PARD3: variants seen among roughly 807,000 people sequenced by gnomAD.
The protein encoded by PARD3 is par-3 family cell polarity regulator.
PARD3 carries 75 observed loss-of-function variants against 155.4 expected under a neutral mutation model. The observed-to-expected ratio is 0.48, with a 90% confidence interval of 0.40 to 0.58. PARD3 has a LOEUF of 0.58. Ranked by LOEUF, PARD3 falls within the 20% of genes least tolerant of loss-of-function variation. The pLI, the probability that PARD3 is intolerant of heterozygous loss-of-function variation, is 0.00. For synonymous variants in PARD3, 576 were observed against 610.5 expected, an observed-to-expected ratio of 0.94 and a Z score of 0.83; for missense variants, 1,642 against 1,721.7, an observed-to-expected ratio of 0.95 and a Z score of 0.82.
chr10:34,701,752 C>T (rs2094283601), intron 1 of PARD3, among the ~76,000 whole-genome samples: 1 of 152,136 alleles, frequency 6.6e-6, no homozygotes. Flanking sequence ...GAAAAATCAC[C>T]AACGTGTGGT....
intron 22 of PARD3, among the ~76,000 whole-genome samples, chr10:34,144,235 A>AC (rs1564428731): frequency 6.6e-6 from 1 of 152,190 alleles, no homozygotes; most frequent in Non-Finnish European, 1.5e-5. Context: ...TGCATAGTTT[A>AC]TATTTTAAAA....
chr10:34,254,284 C>A (rs1293928085), intron 22 of PARD3, among the ~76,000 whole-genome samples: 1 of 152,026 alleles, frequency 6.6e-6, no homozygotes, highest in East Asian at 1.9e-4. Context: ...GAGGCTGAGG[C>A]AGAAGAATGG....
chr10:34,690,678 G>A (rs1260588373), intron 2 of PARD3, among the ~76,000 whole-genome samples: 1 of 152,130 alleles, frequency 6.6e-6, no homozygotes, highest in Non-Finnish European at 1.5e-5. Context: ...TATAAGCCAC[G>A]CCTCGCTAGC....
intron 2 of PARD3, among the ~76,000 whole-genome samples, chr10:34,691,460 A>G (rs1564513628): frequency 6.6e-6 from 1 of 152,250 alleles, no homozygotes; most frequent in Non-Finnish European, 1.5e-5. Flanking sequence ...AAACAAATGG[A>G]AAAATGTTCC....
chr10:34,748,330 T>C (rs1403142054), intron 1 of PARD3, among the ~76,000 whole-genome samples: 1 of 151,834 alleles, frequency 6.6e-6, no homozygotes, highest in East Asian at 1.9e-4. Context: ...ATTAGCTGGG[T>C]GTGGTGGCGT....
At chr10:34,182,295 G>A (rs1245778993) in intron 22 of PARD3, among the ~76,000 whole-genome samples, 1 of 152,154 alleles carries the variant, frequency 6.6e-6, no homozygotes, top group Non-Finnish European at 1.5e-5. Flanking sequence ...TACTTGAAGA[G>A]AAATATTGAT....
chr10:34,736,544 T>G (rs1195343890), intron 1 of PARD3, among the ~76,000 whole-genome samples: 1 of 151,942 alleles, frequency 6.6e-6, no homozygotes, highest in East Asian at 1.9e-4. Flanking sequence ...GAAACAAAAA[T>G]AGATCACTTG....
intron 2 of PARD3, among the ~76,000 whole-genome samples, chr10:34,605,856 CTA>C (rs1380870700): frequency 1.5e-5 from 1 of 66,884 alleles, no homozygotes; most frequent in Non-Finnish European, 2.7e-5. Flanking sequence ...TATATATCTC[CTA>C]TATATATATC....
intron 3 of PARD3, among the ~76,000 whole-genome samples, chr10:34,496,656 GC>G (rs1198339761): frequency 1.3e-5 from 2 of 152,196 alleles, no homozygotes; most frequent in Admixed American, 6.5e-5. Context: ...GAGAAAGCAA[GC>G]CCAATTTCAA....
chr10:34,130,403 T>G (rs1302346686), intron 23 of PARD3, among the ~76,000 whole-genome samples: 3 of 152,102 alleles, frequency 2.0e-5, no homozygotes, highest in East Asian at 1.9e-4. Flanking sequence ...ATCCACAAAT[T>G]TATTCCTTCT....
intron 2 of PARD3, among the ~76,000 whole-genome samples, chr10:34,616,637 A>G (rs547291171): frequency 1.8e-4 from 28 of 152,280 alleles, no homozygotes; most frequent in Middle Eastern, 3.4e-3. Context: ...TTGTACATGG[A>G]AGCTAAAAAA....
intron 20 of PARD3, among the ~76,000 whole-genome samples, chr10:34,311,073 A>G (rs1255363274): frequency 6.6e-6 from 1 of 152,168 alleles, no homozygotes; most frequent in Non-Finnish European, 1.5e-5. Context: ...GTCATAAAAA[A>G]CTAGCATGAC....
chr10:34,119,684 C>T lies in PARD3; in HGVS notation c.3597G>A (p.Gln1199=), dbSNP rs12359558. The stretch of plus-strand genomic sequence containing the variant: ...GCTCCTCCTGCCGCTGCCGCTGCAT[C>T]TGCACCTCCACGGACACCGAGTGTC... The part of the protein sequence containing the change: ...SGRHSVSVEV[Q]MQRQRQEERE... Residue 1199 remains glutamine, a synonymous_variant, in exon 24 of 25, where the codon CAG becomes CAA. Coordinates refer to ENST00000374788, the MANE Select transcript of PARD3 (RefSeq NM_001184785.2). 3.7e-6 allele frequency: 6 copies of T among 1,612,826 alleles called. No homozygotes were observed. In the South Asian group the frequency reaches 6.6e-5, roughly 18 times the overall value.
intron 1 of PARD3, among the ~76,000 whole-genome samples, chr10:34,791,309 C>A (rs547019676): frequency 6.6e-6 from 1 of 152,144 alleles, no homozygotes; most frequent in African/African-American, 2.4e-5. Context: ...TCATCACCTG[C>A]GTCCCTCTCG....
chr10:34,229,661 C>CGT (rs57319517), intron 22 of PARD3, among the ~76,000 whole-genome samples: 45,473 of 145,570 alleles, frequency 0.31, 7,271 homozygotes, highest in Non-Finnish European at 0.37. Context: ...GTTGAGGGTG[C>CGT]GTGTGTGTGT....
At chr10:34,485,722 G>C (rs1280018401) in intron 3 of PARD3, among the ~76,000 whole-genome samples, 1 of 152,090 alleles carries the variant, frequency 6.6e-6, no homozygotes, top group Non-Finnish European at 1.5e-5. Flanking sequence ...AGAATAGATG[G>C]TAAATGATTT....
At chr10:34,184,698 G>T (rs1424662864) in intron 22 of PARD3, among the ~76,000 whole-genome samples, 20 of 135,024 alleles carry the variant, frequency 1.5e-4, no homozygotes, top group Admixed American at 3.8e-4. Flanking sequence ...AGGCCTTTCG[G>T]TTTTTTTTTT....
chr10:34,358,059 AG>A (rs1839075196), intron 14 of PARD3, among the ~76,000 whole-genome samples: 5 of 152,200 alleles, frequency 3.3e-5, no homozygotes, highest in Admixed American at 2.6e-4. Context: ...ATTTTATCTT[AG>A]TTGATTTGAT....
intron 3 of PARD3, among the ~76,000 whole-genome samples, chr10:34,506,542 G>A (rs571804272): frequency 2.0e-5 from 3 of 152,172 alleles, no homozygotes; most frequent in African/African-American, 7.2e-5. Context: ...CCCGGGCAAC[G>A]CAAGCAGATA....
Sources: gnomAD v4.1 joint callset for allele counts (sites outside exome capture counted in the v4.1 genomes callset) on GRCh38, gnomAD v4.1.1 for gene constraint, MANE v1.5 for transcripts, NCBI Gene and HGNC (gene_info 2026-07-23, HGNC 2026-07-21) for gene names.